Variants in DSCAM observed in about 807,000 individuals in gnomAD.
The protein encoded by DSCAM is cell adhesion molecule DSCAM.
DSCAM carries 47 observed loss-of-function variants against 217.7 expected under a neutral mutation model. The observed-to-expected ratio is 0.22, with a 90% confidence interval of 0.17 to 0.28. DSCAM has a LOEUF of 0.28. Among genes scored for constraint, DSCAM ranks in the 10% least tolerant of loss-of-function variants. DSCAM has a pLI of 1.00. For synonymous variants in DSCAM, 1,056 were observed against 1,015.3 expected (o/e 1.04, Z -0.76); for missense variants, 2,080 against 2,618.3 (o/e 0.79, Z 4.49).
intron 32 of DSCAM, among the ~76,000 whole-genome samples, chr21:40,025,758 CTCTT>C (rs1200225563): frequency 2.1e-5 from 3 of 144,834 alleles, no homozygotes; most frequent in Middle Eastern, 3.2e-3. Context: ...TGATTCTTCT[CTCTT>C]TTTCTCTTTA....
intron 1 of DSCAM, among the ~76,000 whole-genome samples, chr21:40,736,405 G>T (rs992768051): frequency 8.5e-5 from 13 of 152,174 alleles, no homozygotes; most frequent in African/African-American, 2.9e-4. Context: ...GGGGCCGTGG[G>T]TATATTAGTT....
intron 3 of DSCAM, among the ~76,000 whole-genome samples, chr21:40,647,307 T>C (rs999316079): frequency 6.6e-6 from 1 of 152,250 alleles, no homozygotes; most frequent in East Asian, 1.9e-4. Context: ...TATATCCTTA[T>C]TTCTGGAACA....
intron 32 of DSCAM, among the ~76,000 whole-genome samples, chr21:40,021,786 C>T (rs182123442): frequency 6.6e-6 from 1 of 152,150 alleles, no homozygotes; most frequent in Admixed American, 6.5e-5. Flanking sequence ...CTCCTCCTTG[C>T]CTCTGGTCCT....
chr21:40,729,189 C>T (rs867484428), intron 1 of DSCAM, among the ~76,000 whole-genome samples: 1 of 152,210 alleles, frequency 6.6e-6, no homozygotes, highest in Non-Finnish European at 1.5e-5. Context: ...ACCTCACAGG[C>T]TGCTATTGCT....
intron 3 of DSCAM, among the ~76,000 whole-genome samples, chr21:40,497,035 A>G (rs1282181713): frequency 1.3e-5 from 2 of 152,170 alleles, no homozygotes; most frequent in Admixed American, 1.3e-4. Flanking sequence ...CTAGTACTCT[A>G]TTGGTGGAAA....
chr21:40,673,398 T>C (rs2090299514), intron 3 of DSCAM, among the ~76,000 whole-genome samples: 1 of 152,258 alleles, frequency 6.6e-6, no homozygotes, highest in Non-Finnish European at 1.5e-5. Flanking sequence ...CCTATAAATG[T>C]TGTTTGGTCC....
chr21:40,127,378 C>G (rs1178893606), intron 19 of DSCAM, among the ~76,000 whole-genome samples: 1 of 152,184 alleles, frequency 6.6e-6, no homozygotes, highest in African/African-American at 2.4e-5. Flanking sequence ...GACATATTTT[C>G]TTGAAACATT....
intron 16 of DSCAM, among the ~76,000 whole-genome samples, chr21:40,148,063 G>A (rs1408151470): frequency 6.6e-6 from 1 of 152,128 alleles, no homozygotes; most frequent in Non-Finnish European, 1.5e-5. Flanking sequence ...ATATCATAGG[G>A]TAAGTTAAGG....
intron 3 of DSCAM, among the ~76,000 whole-genome samples, chr21:40,454,372 A>T (rs1344834359): frequency 6.6e-6 from 1 of 152,214 alleles, no homozygotes; most frequent in Admixed American, 6.5e-5. Context: ...AGGATTGTCA[A>T]AAGGATGAAA....
At chr21:40,556,220 C>T (rs1472989650) in intron 3 of DSCAM, among the ~76,000 whole-genome samples, 1 of 152,166 alleles carries the variant, frequency 6.6e-6, no homozygotes, top group African/African-American at 2.4e-5. Flanking sequence ...AACAAAGCCA[C>T]AGTGTCCAGT....
chr21:40,555,963 A>T (rs540020267), intron 3 of DSCAM, among the ~76,000 whole-genome samples: 14 of 152,310 alleles, frequency 9.2e-5, no homozygotes, highest in Non-Finnish European at 1.9e-4. Flanking sequence ...GGATTACTTG[A>T]GGACAAGTTG....
chr21:40,144,879 C>A lies in DSCAM; in HGVS notation c.3019-148G>T. 1 of 1,129,854 alleles carries A rather than the reference C, an allele frequency of 8.9e-7. No homozygotes were observed. Among genetic ancestry groups the A allele is most frequent in the Non-Finnish European group, 1.3e-6 (1 of 799,502 alleles). 70.0% of individuals were successfully genotyped at this position (1,129,854 alleles called of 1,614,324 possible). On this transcript the variant is annotated intron_variant, in intron 16 of 32. Coordinates refer to ENST00000400454, the MANE Select transcript of DSCAM (RefSeq NM_001389.5). The surrounding 1 kb of genome is among the most constrained non-coding windows in gnomAD (Gnocchi z 4.8). ...TGGTCCGGTAGCAGCCGCAAACCCACGTACAGTGCAACTTGGTCTGTGCCA... is the reference window on the plus strand; with the variant it reads ...TGGTCCGGTAGCAGCCGCAAACCCAAGTACAGTGCAACTTGGTCTGTGCCA...
chr21:40,503,582 G>A (rs903145047), intron 3 of DSCAM, among the ~76,000 whole-genome samples: 5 of 152,148 alleles, frequency 3.3e-5, no homozygotes, highest in Non-Finnish European at 7.3e-5. Context: ...CCAACTTCAC[G>A]CTGCACATCC....
chr21:40,093,034 A>G (rs1319883428), intron 21 of DSCAM, among the ~76,000 whole-genome samples: 1 of 152,130 alleles, frequency 6.6e-6, no homozygotes, highest in Non-Finnish European at 1.5e-5. Flanking sequence ...CTGTTCTATA[A>G]CTCAAAATTA....
chr21:40,137,831 C>A (rs1416766146), intron 18 of DSCAM, among the ~76,000 whole-genome samples: 1 of 152,132 alleles, frequency 6.6e-6, no homozygotes, highest in Non-Finnish European at 1.5e-5. Flanking sequence ...GCGGGAATAG[C>A]TTCTGAAGCA....
chr21:40,387,059 T>C (rs2075092907), intron 3 of DSCAM, among the ~76,000 whole-genome samples: 1 of 152,158 alleles, frequency 6.6e-6, no homozygotes, highest in Non-Finnish European at 1.5e-5. Flanking sequence ...AAAAACTAAT[T>C]ATTTTGAAAA....
chr21:40,617,882 T>C (rs758876098), intron 3 of DSCAM, among the ~76,000 whole-genome samples: 6 of 152,188 alleles, frequency 3.9e-5, no homozygotes, highest in Non-Finnish European at 8.8e-5. Flanking sequence ...AAATTCCTAC[T>C]GCAGAGCAAT....
intron 3 of DSCAM, among the ~76,000 whole-genome samples, chr21:40,656,790 G>A (rs902719436): frequency 1.3e-5 from 2 of 152,166 alleles, no homozygotes; most frequent in East Asian, 3.9e-4. Context: ...AGGAAAGCAA[G>A]AAATAGAAAT....
chr21:40,463,867 A>T (rs906653483), intron 3 of DSCAM, among the ~76,000 whole-genome samples: 1 of 152,100 alleles, frequency 6.6e-6, no homozygotes, highest in African/African-American at 2.4e-5. Context: ...CTCATACTTC[A>T]CTAGAAAGCA....
Sources: allele counts gnomAD v4.1 joint callset (sites outside exome capture counted in the v4.1 genomes callset), GRCh38; gene constraint gnomAD v4.1.1; non-coding constraint Gnocchi (gnomAD v3.1); transcripts MANE v1.5; gene names NCBI Gene and HGNC (gene_info 2026-07-23, HGNC 2026-07-21).